Variants in TMTC2 observed in about 807,000 individuals in gnomAD.
TMTC2 encodes the protein protein O-mannosyl-transferase TMTC2.
A neutral mutation model predicts 82.4 loss-of-function variants in TMTC2; 43 were observed. That is an observed-to-expected ratio of 0.52 (90% CI 0.41 to 0.67). The LOEUF (loss-of-function observed/expected upper bound fraction) is 0.67. Among genes scored for constraint, TMTC2 ranks in the 30% least tolerant of loss-of-function variants. TMTC2 has a pLI of 0.00. For missense variants in TMTC2, 919 were observed against 1,012.4 expected, an observed-to-expected ratio of 0.91 and a Z score of 1.25; for synonymous variants, 408 against 381.9, an observed-to-expected ratio of 1.07 and a Z score of -0.80.
chr12:83,077,636 G>A (rs1883325106), intron 11 of TMTC2, among the ~76,000 whole-genome samples: 1 of 151,748 alleles, frequency 6.6e-6, no homozygotes, highest in Non-Finnish European at 1.5e-5. Flanking sequence ...GTGCAGTGGT[G>A]CCATCTCAGC....
chr12:83,070,234 T>C (rs1411812895), intron 11 of TMTC2, among the ~76,000 whole-genome samples: 2 of 152,148 alleles, frequency 1.3e-5, no homozygotes, highest in South Asian at 2.1e-4. Flanking sequence ...AGGATGGTGG[T>C]ATTTTGATGG....
intron 9 of TMTC2, among the ~76,000 whole-genome samples, chr12:83,044,984 A>G (rs1882034827): frequency 6.6e-6 from 1 of 152,228 alleles, no homozygotes; most frequent in Non-Finnish European, 1.5e-5. Flanking sequence ...ACAGCTTTTT[A>G]AATCCAGGAA....
At chr12:83,093,826 C>A (rs1883928299) in intron 11 of TMTC2, among the ~76,000 whole-genome samples, 2 of 152,324 alleles carry the variant, frequency 1.3e-5, no homozygotes, top group Non-Finnish European at 2.9e-5. Flanking sequence ...GCCATACATT[C>A]TTCTAGGAAA....
At chr12:82,935,849 A>G (rs1349800581) in intron 4 of TMTC2, among the ~76,000 whole-genome samples, 1 of 152,106 alleles carries the variant, frequency 6.6e-6, no homozygotes, top group Non-Finnish European at 1.5e-5. Context: ...GAATCTTAGT[A>G]AATATCCAAT....
At chr12:82,901,348 A>G (rs1252152572) in intron 3 of TMTC2, among the ~76,000 whole-genome samples, 1 of 140,642 alleles carries the variant, frequency 7.1e-6, no homozygotes, top group Non-Finnish European at 1.5e-5. Context: ...TCTGTTGCCC[A>G]GGCTGGCATG....
rs1879806251 is a variant in TMTC2, at chr12:82,999,203, T to A, written c.2070+13157T>A. On this transcript the variant is annotated intron_variant, in intron 8 of 11. Coordinates refer to ENST00000321196, the MANE Select transcript of TMTC2 (RefSeq NM_152588.3). Reference sequence around the variant, plus strand: ...GACAGTTTCTCAGACTTATTTTTATTATGATGACCTTGACAATTTTGAGGA... The same window carrying A: ...GACAGTTTCTCAGACTTATTTTTATAATGATGACCTTGACAATTTTGAGGA... Among the ~76,000 whole-genome samples the A allele has an allele frequency of 3.3e-5, 5 of 152,286 alleles. No individual in the cohort carries two copies. The South Asian group carries it at 1.0e-3, about 32-fold the overall frequency.
At chr12:82,764,145 CA>C (rs1876811036) in intron 1 of TMTC2, among the ~76,000 whole-genome samples, 2 of 152,092 alleles carry the variant, frequency 1.3e-5, no homozygotes, top group Admixed American at 1.3e-4. Context: ...CACACATACA[CA>C]CTTTTTTTTG....
chr12:83,053,652 G>T (rs1882432656), intron 10 of TMTC2, among the ~76,000 whole-genome samples: 1 of 151,994 alleles, frequency 6.6e-6, no homozygotes, highest in African/African-American at 2.4e-5. Flanking sequence ...CCTTCAAGAG[G>T]TTTGAAATTT....
At chr12:82,838,281 T>C (rs1412360973) in intron 1 of TMTC2, among the ~76,000 whole-genome samples, 2 of 152,208 alleles carry the variant, frequency 1.3e-5, no homozygotes, top group Non-Finnish European at 2.9e-5. Context: ...ATTACTCTCC[T>C]ATCATTTCCC....
chr12:83,075,884 A>T (rs747673004), intron 11 of TMTC2, among the ~76,000 whole-genome samples: 27 of 152,154 alleles, frequency 1.8e-4, no homozygotes, highest in Non-Finnish European at 3.5e-4. Context: ...TGGTGCATTG[A>T]CTTCTCTCTT....
intron 1 of TMTC2, among the ~76,000 whole-genome samples, chr12:82,755,524 T>C (rs1033389202): frequency 3.3e-5 from 5 of 152,186 alleles, no homozygotes; most frequent in Admixed American, 3.3e-4. Flanking sequence ...AGACTTTACT[T>C]TTTCTTCTGG....
chr12:83,047,696 AT>A (rs148501806), intron 9 of TMTC2, among the ~76,000 whole-genome samples: 1 of 152,146 alleles, frequency 6.6e-6, no homozygotes, highest in African/African-American at 2.4e-5. Flanking sequence ...TCATATCGGA[AT>A]TTTTTTCTGT....
At chr12:83,062,934 A>G (rs999325672) in intron 11 of TMTC2, among the ~76,000 whole-genome samples, 6 of 151,770 alleles carry the variant, frequency 4.0e-5, no homozygotes, top group African/African-American at 1.5e-4. Context: ...TGTAGGGGCA[A>G]AAAAACATAT....
chr12:83,078,063 G>A (rs1317178844), intron 11 of TMTC2, among the ~76,000 whole-genome samples: 1 of 151,986 alleles, frequency 6.6e-6, no homozygotes, highest in African/African-American at 2.4e-5. Flanking sequence ...AACTGACTTA[G>A]CAGGGCTCTC....
intron 11 of TMTC2, among the ~76,000 whole-genome samples, chr12:83,080,810 A>G (rs1266587721): frequency 6.6e-6 from 1 of 152,186 alleles, no homozygotes; most frequent in African/African-American, 2.4e-5. Flanking sequence ...GTTCTTCAAA[A>G]CTGACAAATT....
intron 1 of TMTC2, among the ~76,000 whole-genome samples, chr12:82,737,181 C>T (rs375978972): frequency 6.6e-6 from 1 of 152,084 alleles, no homozygotes; most frequent in Middle Eastern, 3.2e-3. Flanking sequence ...ATTATAAAAT[C>T]GTGGTATTGT....
At chr12:82,815,652 AT>A (rs974644243) in intron 1 of TMTC2, among the ~76,000 whole-genome samples, 2 of 151,738 alleles carry the variant, frequency 1.3e-5, no homozygotes, top group Admixed American at 1.3e-4. Flanking sequence ...AGATTTTTTT[AT>A]TTTTTTATTT....
chr12:82,803,017 A>G (rs534864778), intron 1 of TMTC2, among the ~76,000 whole-genome samples: 3 of 152,294 alleles, frequency 2.0e-5, no homozygotes, highest in East Asian at 1.9e-4. Context: ...AGTGTTATCA[A>G]CAGGACTTAA....
intron 8 of TMTC2, among the ~76,000 whole-genome samples, chr12:82,999,995 CT>C (rs2137365215): frequency 6.6e-6 from 1 of 152,306 alleles, no homozygotes; most frequent in East Asian, 1.9e-4. Context: ...ACCTATGAGC[CT>C]TTAAAATCAA....
Sources: gnomAD v4.1 joint callset for allele counts (sites outside exome capture counted in the v4.1 genomes callset) on GRCh38, gnomAD v4.1.1 for gene constraint, MANE v1.5 for transcripts, NCBI Gene and HGNC (gene_info 2026-07-23, HGNC 2026-07-21) for gene names.